SPTB: variants seen among roughly 807,000 people sequenced by gnomAD.
The protein encoded by SPTB is spectrin beta, erythrocytic.
Under a neutral mutation model 256.2 loss-of-function variants are expected in SPTB, and 45 were observed. That is an observed-to-expected ratio of 0.18 (90% CI 0.14 to 0.23). The LOEUF (loss-of-function observed/expected upper bound fraction) is 0.23, where lower values mean the gene tolerates loss of function less well. Ranked by LOEUF, SPTB falls within the 10% of genes least tolerant of loss-of-function variation. The probability of loss-of-function intolerance (pLI) is 1.00; values close to 1 mark genes in which losing one functional copy is unlikely to be tolerated. For missense variants in SPTB, 2,715 were observed against 3,040.4 expected, an observed-to-expected ratio of 0.89 and a Z score of 2.52; for synonymous variants, 1,231 against 1,243.1, an observed-to-expected ratio of 0.99 and a Z score of 0.21.
At position 64,769,712 on chromosome 14, in the gene SPTB, C is replaced by G; in HGVS notation, c.5815G>C (p.Glu1939Gln). The G allele has an allele frequency of 6.2e-7, 1 of 1,614,166 alleles. No homozygotes were observed. Among genetic ancestry groups the G allele is most frequent in the Non-Finnish European group, 8.5e-7 (1 of 1,180,032 alleles). The change falls in exon 28 of 36, where the codon GAA becomes CAA. Residue 1939 changes from glutamate to glutamine, a missense_variant. Transcript: ENST00000644917. Reference protein sequence around the residue: ...QERPRDVSSVELLMKYHQGIN... With the variant: ...QERPRDVSSVQLLMKYHQGIN... ...CCCTGGTGATACTTCATGAGCAGTT[C>G]CACAGAGGAGACATCCCTGGGGGAC... is the stretch of plus-strand genomic sequence containing the variant.
chr14:64,796,652 G>A lies in SPTB; in HGVS notation c.1246C>T (p.Arg416Trp), dbSNP rs756541394. The A allele has an allele frequency of 1.7e-5, 28 of 1,614,056 alleles. No individual in the cohort carries two copies. Among genetic ancestry groups the A allele is most frequent in the East Asian group, 2.2e-5 (1 of 44,882 alleles). The change falls in exon 11 of 36, where the codon CGG (arginine) becomes TGG (tryptophan). Residue 416 changes from arginine (R) to tryptophan (W), a missense_variant. Physicochemically the swap from Arg to Trp is moderately radical, Grantham distance 101 (BLOSUM62 -3). Transcript: ENST00000644917. The surrounding 1 kb of genome is among the most constrained non-coding windows in gnomAD (Gnocchi z 4.1). The part of the protein sequence containing the change: ...RELALRNELI[R>W]QEKLEQLARR... ...GCCAGTTGCTCTAGCTTCTCCTGCC[G>A]AATGAGCTCATTTCTCAGGGCCAGC...
intron 1 of SPTB, among the ~76,000 whole-genome samples, chr14:64,872,025 T>C (rs146776844): frequency 6.6e-6 from 1 of 152,352 alleles, no homozygotes; most frequent in East Asian, 1.9e-4. Context: ...ACAGCACATC[T>C]AAAGCTTCGC....
intron 19 of SPTB, among the ~76,000 whole-genome samples, chr14:64,782,952 T>C (rs1262804909): frequency 6.6e-6 from 1 of 151,780 alleles, no homozygotes; most frequent in South Asian, 2.1e-4. Flanking sequence ...CTGGGGGCAA[T>C]GACTCAGGGA....
chr14:64,801,244 CA>C (rs781776194), intron 7 of SPTB, 40 bp downstream of exon 7: 22 of 1,531,980 alleles, frequency 1.4e-5, no homozygotes, highest in Non-Finnish European at 2.0e-5. Flanking sequence ...GTGCATCCCC[CA>C]CTGCTGCAGC....
At chr14:64,769,868 G>C (rs1594756143) in intron 27 of SPTB, 140 bp from the exon 28 acceptor site, 5 of 1,141,950 alleles carry the variant, frequency 4.4e-6, no homozygotes, top group Non-Finnish European at 6.5e-6. Flanking sequence ...CAGCCAGGGG[G>C]TCCTCCGCCA....
At chr14:64,812,852 T>G (rs2083117254) in intron 2 of SPTB, among the ~76,000 whole-genome samples, 1 of 152,220 alleles carries the variant, frequency 6.6e-6, no homozygotes, top group Non-Finnish European at 1.5e-5. Flanking sequence ...TTCCATGGCT[T>G]TCTATTACAT....
intron 28 of SPTB, 143 bp downstream of exon 28, chr14:64,769,447 G>T: frequency 8.5e-7 from 1 of 1,174,678 alleles, no homozygotes; most frequent in Non-Finnish European, 1.2e-6. Context: ...CCGGGCCTGT[G>T]TGTAGCCCCG....
rs1281632183 is a variant in SPTB at position 64,748,864 on chromosome 14, G to T, written c.*442C>A. The stretch of plus-strand genomic sequence containing the variant: ...CCCTTTCCCTGGCTGCCACCAGGTG[G>T]GAGGTGACCCGAAGCAAGACTTGCT... On this transcript the variant is annotated 3_prime_UTR_variant, in exon 36 of 36. Transcript: ENST00000644917. 4 of 171,128 alleles carry T rather than the reference G, an allele frequency of 2.3e-5. No homozygotes were observed. Among genetic ancestry groups the T allele is most frequent in the Non-Finnish European group, 4.9e-5 (4 of 81,416 alleles). The allele number at this position is 171,128 out of a possible 1,614,324, so 10.6% of individuals were successfully genotyped here.
chr14:64,795,564 C>T lies in SPTB; in HGVS notation c.1417G>A (p.Ala473Thr). 1 of 1,614,200 alleles carries T rather than the reference C, an allele frequency of 6.2e-7. No homozygotes were observed. The highest frequency in any genetic ancestry group is 2.2e-5 in the East Asian group (1 of 44,888). ...AGGGCTCTCACCCGCTCCTCGTAGG[C>T]AGCCGTGTCGGTCTCGATGGCCTCA... ...KHEAIETDTA[A>T]YEERVRALED... The change falls in exon 12 of 36, where the codon GCC (alanine) becomes ACC (threonine). Residue 473 changes from alanine (A) to threonine (T), a missense_variant. Physicochemically the swap from Ala to Thr is moderately conservative, Grantham distance 58. Around this residue, in one of 4 missense-constraint regions of SPTB, gnomAD observed 416 missense variants for 571.1 expected, o/e 0.73. Coordinates refer to ENST00000644917, the MANE Select transcript of SPTB (RefSeq NM_001355436.2). The surrounding 1 kb of genome is among the most constrained non-coding windows in gnomAD (Gnocchi z 6.5).
Position 64,797,797 on chromosome 14 carries a change from G to A in SPTB, c.1114C>T (p.Arg372Trp), listed in dbSNP as rs1019802326. Residue 372 changes from arginine to tryptophan, a missense_variant, in exon 10 of 36, where the codon CGG (arginine) becomes TGG (tryptophan). Physicochemically the swap from Arg to Trp is moderately radical, Grantham distance 101 (BLOSUM62 -3). Coordinates refer to ENST00000644917, the MANE Select transcript of SPTB (RefSeq NM_001355436.2). Reference protein sequence around the residue: ...LEVLLFTIQSRMRANNQKVYT... With the variant: ...LEVLLFTIQSWMRANNQKVYT... ...ACTTTCTGATTGTTGGCTCTCATCC[G>A]GGACTGGATGGTAAAAAGTAGAACT... 6 of 1,613,998 alleles carry A rather than the reference G, an allele frequency of 3.7e-6. No individual in the cohort carries two copies. In the African/African-American group the frequency reaches 5.3e-5, roughly 14 times the overall value.
chr14:64,875,043 G>A (rs571659684), intron 1 of SPTB, among the ~76,000 whole-genome samples: 2 of 152,298 alleles, frequency 1.3e-5, no homozygotes, highest in East Asian at 3.9e-4. Context: ...TATATGCTGA[G>A]TTTTAATTGC....
chr14:64,822,902 G>T, intron 2 of SPTB, 45 bp downstream of exon 2: 1 of 1,611,874 alleles, frequency 6.2e-7, no homozygotes, highest in Non-Finnish European at 8.5e-7. Context: ...TGTGAACCTT[G>T]TGACTGTGAG....
At chr14:64,878,934 T>C (rs575882559) in intron 1 of SPTB, among the ~76,000 whole-genome samples, 1 of 152,312 alleles carries the variant, frequency 6.6e-6, no homozygotes, top group African/African-American at 2.4e-5. Flanking sequence ...TACCTGAAGC[T>C]CGTTGTCAGG....
chr14:64,774,160 C>A (rs2082320673), intron 24 of SPTB, among the ~76,000 whole-genome samples: 1 of 152,194 alleles, frequency 6.6e-6, no homozygotes, highest in Non-Finnish European at 1.5e-5. Flanking sequence ...GTTTTGCTAA[C>A]CCCTTCTCTG....
At chr14:64,836,509 A>G (rs1402465181) in intron 1 of SPTB, among the ~76,000 whole-genome samples, 1 of 152,054 alleles carries the variant, frequency 6.6e-6, no homozygotes, top group Non-Finnish European at 1.5e-5. Context: ...AGGCAAAACA[A>G]AAAAAAGGGT....
At chr14:64,797,693 T>C in intron 10 of SPTB, 36 bp downstream of exon 10, 1 of 1,462,570 alleles carries the variant, frequency 6.8e-7, no homozygotes, top group Non-Finnish European at 9.6e-7. Flanking sequence ...ATTCAATCAA[T>C]CTACTGTCAA....
At chr14:64,791,230 C>T (rs1266245618) in intron 15 of SPTB, among the ~76,000 whole-genome samples, 1 of 152,140 alleles carries the variant, frequency 6.6e-6, no homozygotes, top group African/African-American at 2.4e-5. Context: ...CTCCTTGCTG[C>T]TATAGTTCCA....
rs947452728 is a variant in SPTB, at chr14:64,827,011, G to A, written c.-51-3866C>T. On this transcript the variant is annotated intron_variant, in intron 1 of 35. Coordinates refer to ENST00000644917, the MANE Select transcript of SPTB (RefSeq NM_001355436.2). The surrounding 1 kb of genome is among the most constrained non-coding windows in gnomAD (Gnocchi z 4.6). ...ACCCACAGCTCCAACCTTCACATCC[G>A]CCTTTGAGGTCCGATGCTAGGCTCA... 1.3e-5 allele frequency among the ~76,000 whole-genome samples: 2 copies of A among 152,048 alleles called. No homozygotes were observed. Among genetic ancestry groups the A allele is most frequent in the East Asian group, 1.9e-4 (1 of 5,196 alleles).
At chr14:64,771,898 T>G (rs550299196) in intron 26 of SPTB, among the ~76,000 whole-genome samples, 26 of 152,200 alleles carry the variant, frequency 1.7e-4, no homozygotes, top group African/African-American at 6.3e-4. Context: ...CCAGCCTACC[T>G]CTCCCTGCTG....
Sources: gnomAD v4.1 joint callset for allele counts (sites outside exome capture counted in the v4.1 genomes callset) on GRCh38, gnomAD v4.1.1 for gene constraint, gnomAD v4.1.1 regional missense constraint, Gnocchi (gnomAD v3.1) non-coding constraint, MANE v1.5 for transcripts, NCBI Gene and HGNC (gene_info 2026-07-23, HGNC 2026-07-21) for gene names.